RFFL: variants seen among roughly 807,000 people sequenced by gnomAD.
The protein encoded by RFFL is E3 ubiquitin-protein ligase rififylin.
A neutral mutation model predicts 40.4 loss-of-function variants in RFFL; 16 were observed. That is an observed-to-expected ratio of 0.40 (90% CI 0.27 to 0.60). The LOEUF is 0.60. Among genes scored for constraint, RFFL ranks in the 20% least tolerant of loss-of-function variants. The pLI is 0.47. For missense variants in RFFL, 367 were observed against 451.7 expected, an observed-to-expected ratio of 0.81 and a Z score of 1.70; for synonymous variants, 154 against 167.9, an observed-to-expected ratio of 0.92 and a Z score of 0.64.
At chr17:35,067,271 C>T (rs1197583633), upstream of RFFL, among the ~76,000 whole-genome samples, 1 of 151,726 alleles carries the variant, frequency 6.6e-6, no homozygotes, top group East Asian at 1.9e-4. Context: ...GCGTATGCCA[C>T]CATGTCTGGC....
chr17:35,060,680 CACAT>C (rs2091286187), intron 1 of RFFL, among the ~76,000 whole-genome samples: 1 of 152,134 alleles, frequency 6.6e-6, no homozygotes, highest in Admixed American at 6.5e-5. Context: ...TGGCAGGTAA[CACAT>C]ACAAAATAAG....
Position 35,029,937 on chromosome 17 carries a change from C to T in RFFL, c.-8-3376G>A, listed in dbSNP as rs574413155. Among the ~76,000 whole-genome samples, 241 of 150,148 alleles carry T rather than the reference C, an allele frequency of 1.6e-3. 1 individual carries two copies. Among genetic ancestry groups the T allele is most frequent in the South Asian group, 4.2e-3 (20 of 4,758 alleles). ...ATTCCCACCTATGAGCGAGAACATGCGGTGTTTGGTTTTTTGTCCTTGCAA... is the reference window on the plus strand; with the variant it reads ...ATTCCCACCTATGAGCGAGAACATGTGGTGTTTGGTTTTTTGTCCTTGCAA... On this transcript the variant is annotated intron_variant, in intron 1 of 6. Coordinates refer to ENST00000394597, the MANE Select transcript of RFFL (RefSeq NM_001017368.2).
intron 1 of RFFL, among the ~76,000 whole-genome samples, chr17:35,049,787 A>G (rs949232673): frequency 6.6e-6 from 1 of 152,214 alleles, no homozygotes; most frequent in Non-Finnish European, 1.5e-5. Context: ...GCAGACTGTT[A>G]TTTAAAAGAA....
intron 4 of RFFL, 31 bp downstream of exon 4, chr17:35,017,492 G>A (rs993697944): frequency 6.9e-7 from 1 of 1,449,394 alleles, no homozygotes; most frequent in Admixed American, 1.8e-5. Context: ...AAGAGGAAAG[G>A]TGAAGACACA....
chr17:35,014,678 G>T lies in RFFL; in HGVS notation c.910+62C>A, dbSNP rs2090962316. On this transcript the variant is annotated intron_variant, in intron 6 of 6. Transcript: ENST00000394597. ...ATTCTTAGATTACTAAAGGGATTGG[G>T]GTTGAAGGAGGGGAAGGACAAAAGG... is the stretch of plus-strand genomic sequence containing the variant. 12 of 1,429,156 alleles carry T rather than the reference G, an allele frequency of 8.4e-6. No homozygotes were observed. In the Admixed American group the frequency reaches 1.3e-4, roughly 16 times the overall value. 88.5% of individuals were successfully genotyped at this position (1,429,156 alleles called of 1,614,324 possible).
intron 1 of RFFL, among the ~76,000 whole-genome samples, chr17:35,087,180 A>G (rs1240262905): frequency 2.0e-5 from 3 of 152,124 alleles, no homozygotes; most frequent in Non-Finnish European, 4.4e-5. Context: ...GCAAAACCTC[A>G]TCTCTACAGA....
At chr17:35,088,098 G>C (rs550982060) in intron 1 of RFFL, among the ~76,000 whole-genome samples, 13 of 152,260 alleles carry the variant, frequency 8.5e-5, no homozygotes, top group African/African-American at 3.1e-4. Flanking sequence ...TGGTTAACAG[G>C]AAGTCTCTCT....
chr17:35,036,711 G>A (rs1056328011), intron 1 of RFFL, among the ~76,000 whole-genome samples: 1 of 152,176 alleles, frequency 6.6e-6, no homozygotes. Flanking sequence ...GTTAATAACA[G>A]AATAAGATAA....
chr17:35,036,185 G>A (rs1237363915), intron 1 of RFFL, among the ~76,000 whole-genome samples: 2 of 152,002 alleles, frequency 1.3e-5, no homozygotes, highest in Non-Finnish European at 2.9e-5. Flanking sequence ...TTTTCTCTTG[G>A]GAATATTTTT....
intron 1 of RFFL, among the ~76,000 whole-genome samples, chr17:35,029,738 C>T (rs913023403): frequency 7.3e-5 from 11 of 151,266 alleles, no homozygotes; most frequent in Non-Finnish European, 1.2e-4. Flanking sequence ...ATGTGCACAG[C>T]GTGCAGGTTA....
chr17:35,016,898 C>T (rs566172117), intron 4 of RFFL, among the ~76,000 whole-genome samples: 20 of 152,124 alleles, frequency 1.3e-4, no homozygotes, highest in African/African-American at 4.6e-4. Flanking sequence ...GACTCCTCTG[C>T]TGTTAATGCT....
chr17:35,025,222 C>T (rs2091033884), intron 2 of RFFL: 1 of 152,194 alleles, frequency 6.6e-6, no homozygotes, highest in African/African-American at 2.4e-5. Context: ...GGCACCCAGG[C>T]CTGTAACTGT....
At chr17:35,080,648 A>C (rs1171366714) in intron 1 of RFFL, among the ~76,000 whole-genome samples, 1 of 152,158 alleles carries the variant, frequency 6.6e-6, no homozygotes, top group Non-Finnish European at 1.5e-5. Context: ...GCATTTAACC[A>C]CTCAGAAGCC....
At chr17:35,088,952 C>G (rs954263843) in intron 1 of RFFL, 2 of 152,466 alleles carry the variant, frequency 1.3e-5, no homozygotes, top group Admixed American at 6.5e-5. Flanking sequence ...GGCTTCCCCC[C>G]ACCCCTGTAG....
chr17:35,055,680 ACAAACAAACAAACAAAC>A (rs2091256756), intron 1 of RFFL, among the ~76,000 whole-genome samples: 3 of 146,244 alleles, frequency 2.1e-5, no homozygotes, highest in African/African-American at 7.9e-5. Flanking sequence ...TCAAAAAAAA[ACAAACAAACAAACAAAC>A]AAAAAAAAAA....
intron 1 of RFFL, among the ~76,000 whole-genome samples, chr17:35,032,795 AGAG>A (rs900528742): frequency 1.1e-4 from 17 of 152,082 alleles, no homozygotes; most frequent in Non-Finnish European, 1.5e-5. Context: ...ACAGCAGAAA[AGAG>A]GAAAAAAGAA....
At chr17:35,067,924 C>T (rs749499218), upstream of RFFL, among the ~76,000 whole-genome samples, 1 of 152,174 alleles carries the variant, frequency 6.6e-6, no homozygotes, top group African/African-American at 2.4e-5. Flanking sequence ...CGCTCACCCA[C>T]AAGAACCACA....
chr17:35,016,661 ACAT>A (rs1406918636), intron 4 of RFFL, 81 bp from the exon 5 acceptor site: 1 of 1,156,236 alleles, frequency 8.6e-7, no homozygotes, highest in Non-Finnish European at 1.3e-6. Context: ...AGCAGTCACC[ACAT>A]CATAATTTTG....
chr17:35,030,118 T>C lies in RFFL; in HGVS notation c.-8-3557A>G, dbSNP rs533907221. On this transcript the variant is annotated intron_variant, in intron 1 of 6. Coordinates refer to ENST00000394597, the MANE Select transcript of RFFL (RefSeq NM_001017368.2). ...GTTGGACATCTGGGTTGGTTCCAAGTCTTTGCTATTGTGAATAGTGCCGCA... is the reference window on the plus strand; with the variant it reads ...GTTGGACATCTGGGTTGGTTCCAAGCCTTTGCTATTGTGAATAGTGCCGCA... Among the ~76,000 whole-genome samples the C allele has an allele frequency of 7.1e-3, 1,066 of 150,246 alleles. 4 individuals are homozygous for C. The highest frequency in any genetic ancestry group is 7.9e-3 in the Non-Finnish European group (537 of 67,774).
Sources: gnomAD v4.1 joint callset for allele counts (sites outside exome capture counted in the v4.1 genomes callset) on GRCh38, gnomAD v4.1.1 for gene constraint, MANE v1.5 for transcripts, NCBI Gene and HGNC (gene_info 2026-07-23, HGNC 2026-07-21) for gene names.